The following C1QTNF8 variants were observed in gnomAD, a reference collection of about 807,000 sequenced individuals.
The protein encoded by C1QTNF8 is C1q and TNF related 8.
Under a neutral mutation model 19.2 loss-of-function variants are expected in C1QTNF8, and 27 were observed. The ratio of observed to expected loss-of-function variants is 1.41; its 90% CI spans 1.04 to 1.94. C1QTNF8 has a LOEUF of 1.94. Among genes scored for constraint, C1QTNF8 ranks in the 30% most tolerant of loss-of-function variants. C1QTNF8 has a pLI of 0.00. For missense variants in C1QTNF8, 484 were observed against 374.4 expected, an observed-to-expected ratio of 1.29 and a Z score of -2.42; for synonymous variants, 208 against 172.8, an observed-to-expected ratio of 1.20 and a Z score of -1.60.
At chr16:1,093,400 C>CCA (rs1416044863) in intron 4 of C1QTNF8, 97 bp downstream of exon 4, 628 of 600,640 alleles carry the variant, frequency 1.0e-3, no homozygotes, top group South Asian at 3.7e-3. Context: ...CCACACCCAC[C>CCA]CACACACACA....
Position 1,088,867 on chromosome 16 carries a change from C to G in C1QTNF8, c.*1732G>C, listed in dbSNP as rs1381350690. Among the ~76,000 whole-genome samples, 1 of 152,290 alleles carries G rather than the reference C, an allele frequency of 6.6e-6. No homozygotes were observed. The highest frequency in any genetic ancestry group is 2.1e-4 in the South Asian group (1 of 4,824). On this transcript the variant is annotated 3_prime_UTR_variant, in exon 5 of 5. Coordinates refer to ENST00000328449, the MANE Select transcript of C1QTNF8 (RefSeq NM_207419.3). ...TGCAACTACCTATAGGCCACGGCGACGTCTGTGCGGGGAGGTCCAGCCTGT... is the reference window on the plus strand; with the variant it reads ...TGCAACTACCTATAGGCCACGGCGAGGTCTGTGCGGGGAGGTCCAGCCTGT...
At chr16:1,091,164 G>T (rs1960536231) in intron 4 of C1QTNF8, among the ~76,000 whole-genome samples, 1 of 152,160 alleles carries the variant, frequency 6.6e-6, no homozygotes, top group Non-Finnish European at 1.5e-5. Flanking sequence ...GGGGCCGTGG[G>T]GGCACCTGGG....
Position 1,090,118 on chromosome 16 carries a change from CTTGG to C in C1QTNF8, c.*477_*480del, listed in dbSNP as rs1960514033. The C allele has an allele frequency of 1.3e-5, 2 of 152,526 alleles. No individual in the cohort carries two copies. The highest frequency in any genetic ancestry group is 4.8e-5 in the African/African-American group (2 of 41,468). 9.4% of individuals were successfully genotyped at this position (152,526 alleles called of 1,614,324 possible). ...GCCACCGGCCCCAGCCCCTCCTGTC[CTTGG>C]TTGTCACCACACTTCCAGAAGCCCT... On this transcript the variant is annotated 3_prime_UTR_variant, in exon 5 of 5. Coordinates refer to ENST00000328449, the MANE Select transcript of C1QTNF8 (RefSeq NM_207419.3).
chr16:1,088,525 CT>C lies in C1QTNF8; in HGVS notation c.*2073del, dbSNP rs1960480998. 6.6e-6 allele frequency among the ~76,000 whole-genome samples: 1 copy of C among 152,238 alleles called. No individual in the cohort carries two copies. The highest frequency in any genetic ancestry group is 1.5e-5 in the Non-Finnish European group (1 of 68,044). On this transcript the variant is annotated 3_prime_UTR_variant, in exon 5 of 5. Coordinates refer to ENST00000328449, the MANE Select transcript of C1QTNF8 (RefSeq NM_207419.3). ...CCTCTACCAAGCATCCCTCTTTCCG[CT>C]CCCACCTGGCACTGGCAGCGTCCCT... is the stretch of plus-strand genomic sequence containing the variant.
At position 1,094,982 on chromosome 16, in the gene C1QTNF8, G is replaced by A. The variant is rs901955265; in HGVS notation, c.-11-49C>T. The stretch of plus-strand genomic sequence containing the variant: ...GGACTGAGAAGGAGGTGCCCCAGCT[G>A]GAGCCCCCAGACCCTACGGCAGCCC... On this transcript the variant is annotated intron_variant, in intron 2 of 4. Coordinates refer to ENST00000328449, the MANE Select transcript of C1QTNF8 (RefSeq NM_207419.3). 3.0e-5 allele frequency: 25 copies of A among 842,680 alleles called. No individual in the cohort carries two copies. The African/African-American group carries it at 3.9e-4, about 13-fold the overall frequency. The allele number at this position is 842,680 out of a possible 1,614,324, so 52.2% of individuals were successfully genotyped here. A position where few individuals can be genotyped will look rare whatever the true frequency, so the allele number is the denominator to read the frequency against.
At position 1,089,957 on chromosome 16, in the gene C1QTNF8, A is replaced by C. The variant is rs1960510304; in HGVS notation, c.*642T>G. 1 of 152,162 alleles carries C rather than the reference A, an allele frequency of 6.6e-6. No homozygotes were observed. Among genetic ancestry groups the C allele is most frequent in the Admixed American group, 6.5e-5 (1 of 15,280 alleles). The allele number at this position is 152,162 out of a possible 1,614,324, so 9.4% of individuals were successfully genotyped here. A position where few individuals can be genotyped will look rare whatever the true frequency, so the allele number is the denominator to read the frequency against. ...GTCCCGCTATCCCAGCCAGGAGCAG[A>C]CTCAGGCCCTGGGCCAAAGTGCAGC... On this transcript the variant is annotated 3_prime_UTR_variant, in exon 5 of 5. Coordinates refer to ENST00000328449, the MANE Select transcript of C1QTNF8 (RefSeq NM_207419.3).
At position 1,089,304 on chromosome 16, in the gene C1QTNF8, C is replaced by G. The variant is rs971201919; in HGVS notation, c.*1295G>C. On this transcript the variant is annotated 3_prime_UTR_variant, in exon 5 of 5. Coordinates refer to ENST00000328449, the MANE Select transcript of C1QTNF8 (RefSeq NM_207419.3). ...CCCACCCCCAGCAGCCCATACCCCCCACCTCTGGTTCTTCAAGCACCTGCC... is the reference window on the plus strand; with the variant it reads ...CCCACCCCCAGCAGCCCATACCCCCGACCTCTGGTTCTTCAAGCACCTGCC... Among the ~76,000 whole-genome samples the G allele has an allele frequency of 2.0e-5, 3 of 152,140 alleles. No individual in the cohort carries two copies. Among genetic ancestry groups the G allele is most frequent in the East Asian group, 1.9e-4 (1 of 5,190 alleles).
At chr16:1,095,993 C>G (rs1960677679) in intron 1 of C1QTNF8, among the ~76,000 whole-genome samples, 163 bp downstream of exon 1, 2 of 152,162 alleles carry the variant, frequency 1.3e-5, no homozygotes, top group South Asian at 4.1e-4. Context: ...CCACGGAGTT[C>G]CCGGCCGTCC....
intron 4 of C1QTNF8, among the ~76,000 whole-genome samples, chr16:1,092,389 C>T (rs1367937092): frequency 6.7e-6 from 1 of 150,200 alleles, no homozygotes; most frequent in African/African-American, 2.5e-5. Flanking sequence ...CAACCAATCC[C>T]TGCACACAGT....
chr16:1,096,274 C>T (rs1214775749), upstream of C1QTNF8: 1 of 152,280 alleles, frequency 6.6e-6, no homozygotes, highest in Non-Finnish European at 1.5e-5. Flanking sequence ...GAGAGGCCAG[C>T]TCCGCCGAGC....
At position 1,089,386 on chromosome 16, in the gene C1QTNF8, C is replaced by A. The variant is rs1475625022; in HGVS notation, c.*1213G>T. 6.6e-6 allele frequency among the ~76,000 whole-genome samples: 1 copy of A among 152,194 alleles called. No homozygotes were observed. Among genetic ancestry groups the A allele is most frequent in the Non-Finnish European group, 1.5e-5 (1 of 68,028 alleles). On this transcript the variant is annotated 3_prime_UTR_variant, in exon 5 of 5. Coordinates refer to ENST00000328449, the MANE Select transcript of C1QTNF8 (RefSeq NM_207419.3). ...TCCCCCCAAGCAGGAACCCCTGGAG[C>A]CGTGCAGCTGTCCTCCGGGGCCTGG...
chr16:1,091,509 T>G (rs1351441924), intron 4 of C1QTNF8, among the ~76,000 whole-genome samples: 1 of 151,990 alleles, frequency 6.6e-6, no homozygotes, highest in Non-Finnish European at 1.5e-5. Flanking sequence ...CCACAGCTGC[T>G]CCAGCCGGGG....
At position 1,093,703 on chromosome 16, in the gene C1QTNF8, C is replaced by G. The variant is rs754787429; in HGVS notation, c.557G>C (p.Arg186Pro). ...KETYLHIMLN[R>P]RPAAVLYAQP... ...CGCGTAGAGCACGGCCGCGGGCCGC[C>G]GGTTCAGCATGATGTGCAGGTAGGT... is the stretch of plus-strand genomic sequence containing the variant. The change falls in exon 4 of 5, where the codon CGG (arginine) becomes CCG (proline). Residue 186 changes from arginine to proline, a missense_variant. By Grantham distance (103) the Arg-to-Pro change is moderately radical. Coordinates refer to ENST00000328449, the MANE Select transcript of C1QTNF8 (RefSeq NM_207419.3). 8 of 1,611,440 alleles carry G rather than the reference C, an allele frequency of 5.0e-6. No homozygotes were observed. The highest frequency in any genetic ancestry group is 5.1e-6 in the Non-Finnish European group (6 of 1,179,290).
At chr16:1,094,234 G>T (rs752609859) in intron 3 of C1QTNF8, among the ~76,000 whole-genome samples, 183 bp from the exon 4 acceptor site, 3 of 152,206 alleles carry the variant, frequency 2.0e-5, no homozygotes, top group Non-Finnish European at 4.4e-5. Flanking sequence ...TTCTCCAAAG[G>T]TGTGGCTAGA....
Position 1,094,060 on chromosome 16 carries a change from G to C in C1QTNF8, c.209-9C>G. ...GGCCTCACCCTTCTCACCTGCAGGG[G>C]ACAAACGAAAGCCACGGGTCGGGGC... On this transcript the variant is annotated splice_polypyrimidine_tract_variant and intron_variant, in intron 3 of 4. Coordinates refer to ENST00000328449, the MANE Select transcript of C1QTNF8 (RefSeq NM_207419.3). The C allele has an allele frequency of 7.0e-7, 1 of 1,436,132 alleles. No individual in the cohort carries two copies. Among genetic ancestry groups the C allele is most frequent in the Non-Finnish European group, 9.0e-7 (1 of 1,107,854 alleles). 89.0% of individuals were successfully genotyped at this position (1,436,132 alleles called of 1,614,324 possible). A position where few individuals can be genotyped will look rare whatever the true frequency, so the allele number is the denominator to read the frequency against.
chr16:1,095,164 TG>T (rs1420945184), intron 2 of C1QTNF8, among the ~76,000 whole-genome samples: 9 of 152,326 alleles, frequency 5.9e-5, no homozygotes, highest in African/African-American at 2.2e-4. Flanking sequence ...CGGGGAGTCC[TG>T]GTCCCCAAAG....
chr16:1,093,240 C>A (rs969135268), intron 4 of C1QTNF8, among the ~76,000 whole-genome samples: 1 of 149,142 alleles, frequency 6.7e-6, no homozygotes, highest in African/African-American at 2.5e-5. Flanking sequence ...AGCACACAGT[C>A]GGCGCTCAAC....
rs1960510585 is a variant in C1QTNF8 at position 1,089,963 on chromosome 16, G to A, written c.*636C>T. The A allele has an allele frequency of 6.6e-6, 1 of 152,330 alleles. No individual in the cohort carries two copies. The allele number at this position is 152,330 out of a possible 1,614,324, so 9.4% of individuals were successfully genotyped here. A position where few individuals can be genotyped will look rare whatever the true frequency, so the allele number is the denominator to read the frequency against. ...CTATCCCAGCCAGGAGCAGACTCAG[G>A]CCCTGGGCCAAAGTGCAGCCTGAGG... is the stretch of plus-strand genomic sequence containing the variant. On this transcript the variant is annotated 3_prime_UTR_variant, in exon 5 of 5. Transcript: ENST00000328449.
chr16:1,095,309 G>A (rs1184955571), intron 2 of C1QTNF8, among the ~76,000 whole-genome samples: 2 of 152,216 alleles, frequency 1.3e-5, no homozygotes, highest in African/African-American at 4.8e-5. Context: ...GCCCTGGGGC[G>A]TGGTGGCTGG....
Sources: allele counts gnomAD v4.1 joint callset (sites outside exome capture counted in the v4.1 genomes callset), GRCh38; gene constraint gnomAD v4.1.1; transcripts MANE v1.5; gene names NCBI Gene and HGNC (gene_info 2026-07-23, HGNC 2026-07-21).